The following GALNT5 variants were observed in gnomAD, a reference collection of about 807,000 sequenced individuals.
GALNT5 encodes the protein UDP-GalNAc:polypeptide N-acetylgalactosaminyltransferase 5.
A neutral mutation model predicts 85.4 loss-of-function variants in GALNT5; 72 were observed. The observed-to-expected ratio is 0.84, with a 90% CI of 0.70 to 1.03. The LOEUF is 1.03. Among genes scored for constraint, GALNT5 ranks in the 50% least tolerant of loss-of-function variants. The pLI, the probability that GALNT5 is intolerant of heterozygous loss-of-function variation, is 0.00. For missense variants in GALNT5, 1,137 were observed against 1,135.5 expected (o/e 1.00, Z -0.02); for synonymous variants, 404 against 397.0 (o/e 1.02, Z -0.21).
At position 157,317,198 on chromosome 2, in the gene GALNT5, A is replaced by ATATATT. The variant is rs1292694926; in HGVS notation, c.*5851_*5852insATATTT. Among the ~76,000 whole-genome samples the ATATATT allele has an allele frequency of 2.3e-4, 31 of 132,982 alleles. No homozygotes were observed. The highest frequency in any genetic ancestry group is 4.5e-4 in the African/African-American group (16 of 35,580). 87.2% of individuals were successfully genotyped at this position (132,982 alleles called of 152,430 possible). On this transcript the variant is annotated 3_prime_UTR_variant, in exon 10 of 10. Transcript: ENST00000259056. The stretch of plus-strand genomic sequence containing the variant: ...TGTATATATATATATATATATATAT[A>ATATATT]TTTTTTTTTTTGATGCTTTGATCTG...
rs1683629547 is a variant in GALNT5, at chr2:157,313,701, T to C, written c.*2353T>C. 1 of 152,204 alleles carries C rather than the reference T, an allele frequency of 6.6e-6. No homozygotes were observed. Among genetic ancestry groups the C allele is most frequent in the African/African-American group, 2.4e-5 (1 of 41,450 alleles). The allele number at this position is 152,204 out of a possible 1,614,324, so 9.4% of individuals were successfully genotyped here. A position where few individuals can be genotyped will look rare whatever the true frequency, so the allele number is the denominator to read the frequency against. On this transcript the variant is annotated 3_prime_UTR_variant, in exon 10 of 10. Coordinates refer to ENST00000259056, the MANE Select transcript of GALNT5 (RefSeq NM_014568.3). Reference sequence around the variant, plus strand: ...ATGAATTGCATTTTGAATACACTTATCTTTGGGTATATCAACTAAAGGAAG... The same window carrying C: ...ATGAATTGCATTTTGAATACACTTACCTTTGGGTATATCAACTAAAGGAAG...
intron 1 of GALNT5, among the ~76,000 whole-genome samples, chr2:157,272,868 T>C (rs1156865565): frequency 2.0e-5 from 3 of 152,214 alleles, no homozygotes; most frequent in African/African-American, 7.2e-5. Context: ...TTTGGATATA[T>C]ACCTAGTAAT....
intron 1 of GALNT5, among the ~76,000 whole-genome samples, chr2:157,281,404 C>T (rs1300736690): frequency 2.6e-5 from 4 of 152,038 alleles, no homozygotes; most frequent in Non-Finnish European, 4.4e-5. Flanking sequence ...CCAAGGAATT[C>T]GCTAATAGGT....
chr2:157,287,661 C>CT (rs1162019239), intron 3 of GALNT5, among the ~76,000 whole-genome samples: 8 of 152,308 alleles, frequency 5.3e-5, no homozygotes, highest in Non-Finnish European at 1.0e-4. Flanking sequence ...TCCTATGGTT[C>CT]TTTCTGCCTT....
At chr2:157,263,876 T>C (rs1682401854) in intron 1 of GALNT5, among the ~76,000 whole-genome samples, 2 of 152,208 alleles carry the variant, frequency 1.3e-5, no homozygotes, top group African/African-American at 2.4e-5. Flanking sequence ...CTATAATCTA[T>C]TCATTAATTT....
At chr2:157,279,764 TTGCGCTTCCTGGGTGAGGTGA>T (rs1245093496) in intron 1 of GALNT5, among the ~76,000 whole-genome samples, 1 of 152,206 alleles carries the variant, frequency 6.6e-6, no homozygotes, top group Non-Finnish European at 1.5e-5. Flanking sequence ...CCCAGACCTT[TTGCGCTTCCTGGGTGAGGTGA>T]TGCCCCAACC....
intron 1 of GALNT5, among the ~76,000 whole-genome samples, chr2:157,272,939 T>A (rs900391318): frequency 6.6e-6 from 1 of 152,218 alleles, no homozygotes; most frequent in Non-Finnish European, 1.5e-5. Context: ...CCAAACTGCC[T>A]TCTACAGTGG....
At chr2:157,270,790 C>A (rs1574014238) in intron 1 of GALNT5, among the ~76,000 whole-genome samples, 1 of 152,242 alleles carries the variant, frequency 6.6e-6, no homozygotes, top group East Asian at 1.9e-4. Context: ...GACAGAAACA[C>A]AATAATAGAG....
At chr2:157,299,401 T>C in intron 5 of GALNT5, 147 bp from the exon 6 acceptor site, 3 of 599,216 alleles carry the variant, frequency 5.0e-6, no homozygotes, top group Non-Finnish European at 9.1e-6. Flanking sequence ...ACTTAAGCCC[T>C]ATTTGTGACT....
At chr2:157,293,570 C>G (rs1683147496) in intron 3 of GALNT5, among the ~76,000 whole-genome samples, 1 of 152,142 alleles carries the variant, frequency 6.6e-6, no homozygotes, top group Non-Finnish European at 1.5e-5. Flanking sequence ...AAAATAGGAC[C>G]CTTCCAGCCT....
intron 1 of GALNT5, among the ~76,000 whole-genome samples, chr2:157,271,033 G>A (rs1020929883): frequency 2.6e-5 from 4 of 151,904 alleles, no homozygotes; most frequent in African/African-American, 7.3e-5. Context: ...GGAGAATGGC[G>A]TGAACCCGGG....
chr2:157,291,308 A>G (rs1683092487), intron 3 of GALNT5, among the ~76,000 whole-genome samples: 2 of 152,206 alleles, frequency 1.3e-5, no homozygotes, highest in African/African-American at 4.8e-5. Context: ...TCACTTGGCT[A>G]ACTTTAAGTA....
chr2:157,258,897 C>A lies in GALNT5; in HGVS notation c.815C>A (p.Ala272Asp). The A allele has an allele frequency of 6.4e-7, 1 of 1,564,266 alleles. No homozygotes were observed. The highest frequency in any genetic ancestry group is 8.6e-7 in the Non-Finnish European group (1 of 1,159,060). Residue 272 changes from alanine (A) to aspartate (D), a missense_variant, in exon 1 of 10, where the codon GCC (alanine) becomes GAC (aspartate). Coordinates refer to ENST00000259056, the MANE Select transcript of GALNT5 (RefSeq NM_014568.3). ...SKEVNANKHK[A>D]NTSLPFPKFT... ...GAAGTCAATGCAAATAAACACAAAG[C>A]CAATACGAGTCTTCCTTTTCCTAAG...
At chr2:157,304,239 G>A (rs1683406549) in intron 7 of GALNT5, among the ~76,000 whole-genome samples, 1 of 152,132 alleles carries the variant, frequency 6.6e-6, no homozygotes, top group African/African-American at 2.4e-5. Flanking sequence ...GCCTTGTGAT[G>A]CCCACATTTA....
intron 1 of GALNT5, among the ~76,000 whole-genome samples, chr2:157,260,017 A>G (rs1393714265): frequency 6.6e-6 from 1 of 152,212 alleles, no homozygotes; most frequent in Admixed American, 6.5e-5. Flanking sequence ...CTGCCTAATC[A>G]TAAGTAATGA....
intron 1 of GALNT5, among the ~76,000 whole-genome samples, chr2:157,276,060 C>T (rs553650587): frequency 1.3e-5 from 2 of 152,280 alleles, no homozygotes; most frequent in East Asian, 3.9e-4. Flanking sequence ...AAGGCCTTTT[C>T]TGCATCTATT....
intron 9 of GALNT5, 43 bp downstream of exon 9, chr2:157,308,771 T>G (rs751792206): frequency 6.6e-7 from 1 of 1,517,718 alleles, no homozygotes; most frequent in South Asian, 1.2e-5. Context: ...CAAATTTGAC[T>G]TTTGATCAAA....
intron 6 of GALNT5, 137 bp downstream of exon 6, chr2:157,299,802 A>G (rs1421803301): frequency 2.0e-6 from 1 of 506,756 alleles, no homozygotes; most frequent in Non-Finnish European, 3.5e-6. Flanking sequence ...TCTCTGGATT[A>G]ATTTTTTCAT....
intron 1 of GALNT5, 24 bp from the exon 2 acceptor site, chr2:157,284,258 T>C (rs1682920359): frequency 1.9e-6 from 3 of 1,609,120 alleles, no homozygotes; most frequent in Non-Finnish European, 2.6e-6. Context: ...ACATCTCTTG[T>C]GCTCTGCTTA....
Sources: allele counts gnomAD v4.1 joint callset (sites outside exome capture counted in the v4.1 genomes callset), GRCh38; gene constraint gnomAD v4.1.1; transcripts MANE v1.5; gene names NCBI Gene and HGNC (gene_info 2026-07-23, HGNC 2026-07-21).